The following CACNA1C variants were observed in gnomAD, a reference collection of about 807,000 sequenced individuals.
CACNA1C encodes voltage-dependent L-type calcium channel subunit alpha-1C.
CACNA1C carries 30 observed loss-of-function variants against 229.0 expected under a neutral mutation model. That is an observed-to-expected ratio of 0.13 (90% CI 0.10 to 0.18). CACNA1C has a LOEUF of 0.18. Ranked by LOEUF, CACNA1C falls within the 10% of genes least tolerant of loss-of-function variation. The pLI is 1.00. For missense variants in CACNA1C, 1,658 were observed against 2,845.0 expected, an observed-to-expected ratio of 0.58 and a Z score of 9.49; for synonymous variants, 1,114 against 1,132.5, an observed-to-expected ratio of 0.98 and a Z score of 0.33.
intron 1 of CACNA1C, among the ~76,000 whole-genome samples, chr12:2,037,531 A>G (rs2049354194): frequency 1.3e-5 from 2 of 152,288 alleles, no homozygotes; most frequent in South Asian, 4.1e-4. Flanking sequence ...AAGGGGAGAA[A>G]AGGGTCAGAA....
chr12:2,545,377 T>C (rs972284629), intron 9 of CACNA1C, among the ~76,000 whole-genome samples: 4 of 152,144 alleles, frequency 2.6e-5, no homozygotes, highest in African/African-American at 7.2e-5. Flanking sequence ...TGGCTCTCAA[T>C]TGGTCATCGT....
chr12:2,289,434 T>A (rs1412719817), intron 3 of CACNA1C, among the ~76,000 whole-genome samples: 1 of 152,202 alleles, frequency 6.6e-6, no homozygotes. Flanking sequence ...AAGCCCATTT[T>A]CCTGTGGAAA....
At chr12:2,064,251 T>C (rs775191071) in intron 1 of CACNA1C, among the ~76,000 whole-genome samples, 1 of 152,260 alleles carries the variant, frequency 6.6e-6, no homozygotes, top group African/African-American at 2.4e-5. Context: ...CAACAGGAAA[T>C]TGGTGTTTGG....
At chr12:2,168,286 A>C (rs1056077692) in intron 3 of CACNA1C, among the ~76,000 whole-genome samples, 2 of 152,238 alleles carry the variant, frequency 1.3e-5, no homozygotes, top group Non-Finnish European at 1.5e-5. Flanking sequence ...AGGATGAATC[A>C]AAAGAGGTAG....
At chr12:2,687,781 T>G (rs1793258135) in intron 45 of CACNA1C, among the ~76,000 whole-genome samples, 1 of 152,178 alleles carries the variant, frequency 6.6e-6, no homozygotes, top group Non-Finnish European at 1.5e-5. Context: ...TCAGGTGATC[T>G]GCCCGCCTTG....
chr12:2,197,010 A>C (rs1416165480), intron 3 of CACNA1C, among the ~76,000 whole-genome samples: 1 of 152,178 alleles, frequency 6.6e-6, no homozygotes, highest in Non-Finnish European at 1.5e-5. Flanking sequence ...TGCTCAGAAA[A>C]GGTGGGCTGG....
intron 1 of CACNA1C, among the ~76,000 whole-genome samples, chr12:1,988,631 A>AT (rs2038487471): frequency 6.6e-6 from 1 of 152,010 alleles, no homozygotes; most frequent in Non-Finnish European, 1.5e-5. Flanking sequence ...TGTCTTTTTA[A>AT]TTTTTTTACT....
intron 13 of CACNA1C, among the ~76,000 whole-genome samples, chr12:2,570,913 A>AAG (rs1162527228): frequency 1.3e-5 from 2 of 152,168 alleles, no homozygotes; most frequent in African/African-American, 2.4e-5. Context: ...ACCCCATCGA[A>AAG]AGAGAGCTCT....
chr12:2,469,779 T>TA lies in CACNA1C; in HGVS notation c.757+12080dup, dbSNP rs534906108. On this transcript the variant is annotated intron_variant, in intron 5 of 46. Transcript: ENST00000399655. Reference sequence around the variant, plus strand: ...TACTTGTGCAAAACAGAAATACTTTTAAAAAAATAATATATTTATTCACTT... The same window carrying TA: ...TACTTGTGCAAAACAGAAATACTTTTAAAAAAAATAATATATTTATTCACTT... Among the ~76,000 whole-genome samples the TA allele has an allele frequency of 1.2e-4, 18 of 152,282 alleles. No homozygotes were observed. In the South Asian group the frequency reaches 3.7e-3, roughly 32 times the overall value.
chr12:2,488,896 A>T lies in CACNA1C; in HGVS notation c.916+2634A>T, dbSNP rs2099707133. On this transcript the variant is annotated intron_variant, in intron 6 of 46. Transcript: ENST00000399655. This position sits in a 1 kb window ranked among gnomAD's most constrained non-coding sequence, Gnocchi z 4.0. ...ATCACAAGCCAGGACCCACTCTGTC[A>T]CTCTTAGCACAACACGATGCCGCTG... Among the ~76,000 whole-genome samples, 1 of 152,108 alleles carries T rather than the reference A, an allele frequency of 6.6e-6. No homozygotes were observed. The highest frequency in any genetic ancestry group is 2.1e-4 in the South Asian group (1 of 4,828).
At chr12:2,556,048 G>A (rs1338904112) in intron 10 of CACNA1C, among the ~76,000 whole-genome samples, 3 of 152,094 alleles carry the variant, frequency 2.0e-5, no homozygotes, top group Non-Finnish European at 2.9e-5. Flanking sequence ...ACTATCCCCA[G>A]CGTTCATGCC....
chr12:2,442,355 C>CT (rs956610062), intron 3 of CACNA1C, among the ~76,000 whole-genome samples: 2 of 151,974 alleles, frequency 1.3e-5, no homozygotes, highest in African/African-American at 4.8e-5. Flanking sequence ...GGCCATGGAC[C>CT]CCCCAGTTGC....
At chr12:2,445,929 T>TA (rs1014089819) in intron 3 of CACNA1C, among the ~76,000 whole-genome samples, 3 of 152,162 alleles carry the variant, frequency 2.0e-5, no homozygotes, top group African/African-American at 7.2e-5. Context: ...GAGGGCTCAT[T>TA]ATCTAGACAA....
intron 1 of CACNA1C, among the ~76,000 whole-genome samples, chr12:2,104,244 T>C (rs1261019299): frequency 6.6e-6 from 1 of 152,224 alleles, no homozygotes; most frequent in Non-Finnish European, 1.5e-5. Context: ...TCCTCTCTTA[T>C]TTCCTTGAAC....
Position 2,677,472 on chromosome 12 carries a change from A to T in CACNA1C, c.4956+251A>T. 2 of 613,086 alleles carry T rather than the reference A, an allele frequency of 3.3e-6. No individual in the cohort carries two copies. Among genetic ancestry groups the T allele is most frequent in the Non-Finnish European group, 5.7e-6 (2 of 352,968 alleles). 38.0% of individuals were successfully genotyped at this position (613,086 alleles called of 1,614,324 possible). Reference sequence around the variant, plus strand: ...AGCCCCCAGATCTCTCAAATACTTCACTGAGGCTCCCGTGACAGCCCCTGA... The same window carrying T: ...AGCCCCCAGATCTCTCAAATACTTCTCTGAGGCTCCCGTGACAGCCCCTGA... On this transcript the variant is annotated intron_variant, in intron 40 of 46. Coordinates refer to ENST00000399655, the MANE Select transcript of CACNA1C (RefSeq NM_000719.7). The surrounding 1 kb of genome is among the most constrained non-coding windows in gnomAD (Gnocchi z 7.4).
intron 1 of CACNA1C, among the ~76,000 whole-genome samples, chr12:2,076,394 G>T (rs1389990032): frequency 1.3e-5 from 2 of 151,990 alleles, no homozygotes; most frequent in Non-Finnish European, 2.9e-5. Flanking sequence ...TAAATAAAGG[G>T]GCTCGTACAC....
intron 1 of CACNA1C, among the ~76,000 whole-genome samples, chr12:1,998,507 G>T (rs1036913618): frequency 6.6e-5 from 10 of 152,202 alleles, no homozygotes; most frequent in African/African-American, 2.4e-4. Context: ...GTTCTCAGAT[G>T]AATCAATCAC....
chr12:2,099,233 A>G (rs1169970516), intron 1 of CACNA1C, among the ~76,000 whole-genome samples: 1 of 152,254 alleles, frequency 6.6e-6, no homozygotes, highest in Non-Finnish European at 1.5e-5. Context: ...GATCTTGCCC[A>G]TGTTTCTCAG....
At chr12:2,060,040 T>G (rs907077128) in intron 1 of CACNA1C, among the ~76,000 whole-genome samples, 11 of 152,206 alleles carry the variant, frequency 7.2e-5, no homozygotes, top group Non-Finnish European at 1.5e-4. Context: ...TAAAAACACT[T>G]TCTTAGGCTA....
Sources: gnomAD v4.1 joint callset for allele counts (sites outside exome capture counted in the v4.1 genomes callset) on GRCh38, gnomAD v4.1.1 for gene constraint, Gnocchi (gnomAD v3.1) non-coding constraint, MANE v1.5 for transcripts, NCBI Gene and HGNC (gene_info 2026-07-23, HGNC 2026-07-21) for gene names.